CAPZA2: variants seen among roughly 807,000 people sequenced by gnomAD.
CAPZA2 encodes capping actin protein of muscle Z-line subunit alpha 2.
A neutral mutation model predicts 44.0 loss-of-function variants in CAPZA2; 13 were observed. The ratio of observed to expected loss-of-function variants is 0.30; its 90% CI spans 0.19 to 0.47. The LOEUF is 0.47. Ranked by LOEUF, CAPZA2 falls within the 20% of genes least tolerant of loss-of-function variation. CAPZA2 has a pLI of 1.00. For synonymous variants in CAPZA2, 94 were observed against 108.2 expected (o/e 0.87, Z 0.81); for missense variants, 244 against 338.6 (o/e 0.72, Z 2.19).
rs1473073277 is a variant in CAPZA2, at chr7:116,890,551, TATATATATATATATATACAC to T, written c.103+2379_103+2398del. On this transcript the variant is annotated intron_variant, in intron 2 of 9. Coordinates refer to ENST00000361183, the MANE Select transcript of CAPZA2 (RefSeq NM_006136.3). ...ATATATATATATATATATATATATA[TATATATATATATATATACAC>T]ATATATATATATATATATATATATA... Among the ~76,000 whole-genome samples the T allele has an allele frequency of 4.0e-3, 53 of 13,180 alleles. 2 individuals are homozygous for T. Among genetic ancestry groups the T allele is most frequent in the East Asian group, 0.018 (4 of 228 alleles). The allele number at this position is 13,180 out of a possible 152,430, so 8.6% of individuals were successfully genotyped here.
chr7:116,911,551 G>A (rs1317294997), intron 7 of CAPZA2, among the ~76,000 whole-genome samples: 1 of 152,076 alleles, frequency 6.6e-6, no homozygotes, highest in East Asian at 1.9e-4. Flanking sequence ...CTAGAGTACT[G>A]CTAACATACT....
intron 1 of CAPZA2, among the ~76,000 whole-genome samples, chr7:116,885,416 C>T (rs1796750575): frequency 6.6e-6 from 1 of 151,908 alleles, no homozygotes. Flanking sequence ...GTGGGAGTCC[C>T]CCACCAAAAA....
intron 3 of CAPZA2, among the ~76,000 whole-genome samples, chr7:116,897,798 C>A (rs1012469359): frequency 6.6e-6 from 1 of 152,070 alleles, no homozygotes; most frequent in Non-Finnish European, 1.5e-5. Context: ...GGATCCATCT[C>A]GTCACCATTT....
intron 4 of CAPZA2, 106 bp from the exon 5 acceptor site, chr7:116,904,071 T>G (rs1797028839): frequency 3.0e-6 from 2 of 675,336 alleles, no homozygotes; most frequent in African/African-American, 1.8e-5. Context: ...TGGAGTAGGA[T>G]TGTTTTATAG....
chr7:116,915,819 CATT>C (rs1444955893), intron 8 of CAPZA2: 3 of 271,906 alleles, frequency 1.1e-5, no homozygotes, highest in East Asian at 9.7e-5. Context: ...ATGTGTGTAT[CATT>C]GAGATTTCAC....
intron 6 of CAPZA2, among the ~76,000 whole-genome samples, chr7:116,906,893 G>A (rs977320316): frequency 1.3e-5 from 2 of 152,066 alleles, no homozygotes; most frequent in Admixed American, 6.6e-5. Flanking sequence ...TACCATACTG[G>A]TCTTGGACCT....
At chr7:116,865,143 A>G (rs192026666) in intron 1 of CAPZA2, among the ~76,000 whole-genome samples, 7 of 149,026 alleles carry the variant, frequency 4.7e-5, no homozygotes, top group Middle Eastern at 3.3e-3. Context: ...TCTTAGTCCA[A>G]CGTTGATGTT....
intron 1 of CAPZA2, among the ~76,000 whole-genome samples, chr7:116,878,854 G>A (rs555211365): frequency 2.0e-5 from 3 of 152,186 alleles, no homozygotes; most frequent in African/African-American, 7.2e-5. Context: ...TTGGCCAGGC[G>A]TGGTGGCTCA....
At chr7:116,865,386 A>G (rs993061964) in intron 1 of CAPZA2, among the ~76,000 whole-genome samples, 3 of 151,336 alleles carry the variant, frequency 2.0e-5, no homozygotes, top group African/African-American at 4.9e-5. Flanking sequence ...GGGTTTCGCT[A>G]TGTTGCCCAG....
At chr7:116,871,971 G>A (rs148088291) in intron 1 of CAPZA2, among the ~76,000 whole-genome samples, 1 of 152,272 alleles carries the variant, frequency 6.6e-6, no homozygotes, top group East Asian at 1.9e-4. Flanking sequence ...GAGGCCTGGA[G>A]TGTCTGTAAT....
intron 1 of CAPZA2, among the ~76,000 whole-genome samples, chr7:116,864,428 C>T (rs1213465675): frequency 1.3e-5 from 2 of 151,986 alleles, no homozygotes; most frequent in African/African-American, 2.4e-5. Flanking sequence ...GCCTGTGCCG[C>T]CTAGTAGCAA....
intron 1 of CAPZA2, chr7:116,873,852 A>G (rs1233539031): frequency 1.3e-5 from 2 of 153,536 alleles, no homozygotes; most frequent in Non-Finnish European, 2.9e-5. Context: ...TCTTTGCTTG[A>G]GAAAGGTACA....
rs71148338 is a variant in CAPZA2 at position 116,881,738 on chromosome 7, CAA to C, written c.40-6365_40-6364del. The stretch of plus-strand genomic sequence containing the variant: ...TGGGCAGCAGAGTGAGACTCTGTCT[CAA>C]AAAAAAAAAAAAAAAAAAAAAAATT... On this transcript the variant is annotated intron_variant, in intron 1 of 9. Coordinates refer to ENST00000361183, the MANE Select transcript of CAPZA2 (RefSeq NM_006136.3). 1.8e-3 allele frequency among the ~76,000 whole-genome samples: 86 copies of C among 47,786 alleles called. 1 individual carries two copies. The highest frequency in any genetic ancestry group is 5.9e-3 in the African/African-American group (79 of 13,410). 31.3% of individuals were successfully genotyped at this position (47,786 alleles called of 152,430 possible). A position where few individuals can be genotyped will look rare whatever the true frequency, so the allele number is the denominator to read the frequency against.
chr7:116,880,948 A>G (rs1034196497), intron 1 of CAPZA2, among the ~76,000 whole-genome samples: 2 of 151,708 alleles, frequency 1.3e-5, no homozygotes, highest in Non-Finnish European at 1.5e-5. Flanking sequence ...AGTTCAGGCA[A>G]TCTGCCCACC....
chr7:116,891,986 CTGT>C (rs1365295790), intron 2 of CAPZA2, among the ~76,000 whole-genome samples: 3 of 152,192 alleles, frequency 2.0e-5, no homozygotes, highest in African/African-American at 7.2e-5. Context: ...TTCCAGTTCC[CTGT>C]TGTTCAAATG....
chr7:116,879,309 T>C (rs1381049108), intron 1 of CAPZA2, among the ~76,000 whole-genome samples: 4 of 152,142 alleles, frequency 2.6e-5, no homozygotes, highest in Non-Finnish European at 1.5e-5. Context: ...CCAGAGATCA[T>C]ACTGTAAACC....
intron 1 of CAPZA2, among the ~76,000 whole-genome samples, chr7:116,864,997 T>G (rs1256137670): frequency 6.6e-6 from 1 of 152,116 alleles, no homozygotes; most frequent in African/African-American, 2.4e-5. Context: ...CTTGGCTCAG[T>G]TAGATACATT....
In CAPZA2 at chr7:116,917,877, T is replaced by G. The variant is rs1791702244; in HGVS notation, c.*10T>G. The G allele has an allele frequency of 6.2e-7, 1 of 1,608,446 alleles. No individual in the cohort carries two copies. Among genetic ancestry groups the G allele is most frequent in the Admixed American group, 1.7e-5 (1 of 59,978 alleles). ...GATGCAGAATGCATAAGATGAACAT[T>G]GCATGACCGGATCATTTTAGTGTCT... On this transcript the variant is annotated 3_prime_UTR_variant, in exon 10 of 10. Coordinates refer to ENST00000361183, the MANE Select transcript of CAPZA2 (RefSeq NM_006136.3).
At chr7:116,883,905 G>A (rs1455833159) in intron 1 of CAPZA2, among the ~76,000 whole-genome samples, 1 of 152,160 alleles carries the variant, frequency 6.6e-6, no homozygotes, top group East Asian at 1.9e-4. Flanking sequence ...TATAGGTAGT[G>A]TTTGTATAAG....
Sources: allele counts gnomAD v4.1 joint callset (sites outside exome capture counted in the v4.1 genomes callset), GRCh38; gene constraint gnomAD v4.1.1; transcripts MANE v1.5; gene names NCBI Gene and HGNC (gene_info 2026-07-23, HGNC 2026-07-21).